Variants in OSBPL8 observed in about 807,000 individuals in gnomAD.
OSBPL8 encodes oxysterol binding protein like 8.
A neutral mutation model predicts 125.5 loss-of-function variants in OSBPL8; 59 were observed. The ratio of observed to expected loss-of-function variants is 0.47; its 90% confidence interval spans 0.38 to 0.58. The LOEUF (loss-of-function observed/expected upper bound fraction) is 0.58, where lower values mean the gene tolerates loss of function less well. Ranked by LOEUF, OSBPL8 falls within the 20% of genes least tolerant of loss-of-function variation. OSBPL8 has a pLI of 0.00. For missense variants in OSBPL8, 758 were observed against 1,047.8 expected, an observed-to-expected ratio of 0.72 and a Z score of 3.82; for synonymous variants, 330 against 338.9, an observed-to-expected ratio of 0.97 and a Z score of 0.29.
At chr12:76,430,074 C>G (rs1169955768) in intron 4 of OSBPL8, among the ~76,000 whole-genome samples, 4 of 152,142 alleles carry the variant, frequency 2.6e-5, no homozygotes, top group African/African-American at 9.7e-5. Flanking sequence ...GCTCCAGCCC[C>G]ACTCTAGACC....
chr12:76,490,878 T>C (rs4347435), intron 1 of OSBPL8, among the ~76,000 whole-genome samples: 150,027 of 152,368 alleles, frequency 0.98, 73,861 homozygotes, highest in East Asian at 1. Context: ...GGCACCCCAC[T>C]TGGATGCTGC....
At chr12:76,529,031 T>G (rs981032934) in intron 1 of OSBPL8, among the ~76,000 whole-genome samples, 1 of 152,120 alleles carries the variant, frequency 6.6e-6, no homozygotes, top group African/African-American at 2.4e-5. Context: ...ATGAAGTTAT[T>G]ATGTCACTAC....
intron 4 of OSBPL8, among the ~76,000 whole-genome samples, chr12:76,413,383 T>C (rs1868312397): frequency 6.6e-6 from 1 of 152,240 alleles, no homozygotes; most frequent in Non-Finnish European, 1.5e-5. Flanking sequence ...TGCATGACTA[T>C]ACCACTATTT....
At chr12:76,406,795 T>C (rs1279561039) in intron 5 of OSBPL8, among the ~76,000 whole-genome samples, 1 of 152,170 alleles carries the variant, frequency 6.6e-6, no homozygotes, top group African/African-American at 2.4e-5. Context: ...TTTTGATTTG[T>C]AGAGTCAAGG....
intron 1 of OSBPL8, among the ~76,000 whole-genome samples, chr12:76,515,702 G>T (rs1307936110): frequency 6.6e-6 from 1 of 151,892 alleles, no homozygotes; most frequent in Non-Finnish European, 1.5e-5. Context: ...AGCAGGGGAG[G>T]TTCCCCTGCC....
chr12:76,532,735 A>AG (rs1399110701), intron 1 of OSBPL8, among the ~76,000 whole-genome samples: 36 of 140,466 alleles, frequency 2.6e-4, no homozygotes, highest in African/African-American at 1.1e-3. Flanking sequence ...AAAGAGCCAG[A>AG]CCAATCAGTC....
chr12:76,537,319 C>T (rs1332805727), intron 1 of OSBPL8, among the ~76,000 whole-genome samples: 2 of 152,096 alleles, frequency 1.3e-5, no homozygotes, highest in Non-Finnish European at 2.9e-5. Context: ...TGACCAAGAT[C>T]AGGATTCCTG....
chr12:76,372,426 C>G (rs1403505324), intron 18 of OSBPL8, among the ~76,000 whole-genome samples: 2 of 152,012 alleles, frequency 1.3e-5, no homozygotes, highest in Admixed American at 1.3e-4. Context: ...CCAGGCTGAT[C>G]TCAAACTCCT....
intron 8 of OSBPL8, among the ~76,000 whole-genome samples, chr12:76,396,814 CTTGT>C (rs754947533): frequency 2.8e-4 from 43 of 152,088 alleles, no homozygotes; most frequent in African/African-American, 9.4e-4. Context: ...TAGTATAATG[CTTGT>C]TTGTTTTTTT....
intron 21 of OSBPL8, among the ~76,000 whole-genome samples, chr12:76,367,268 C>G (rs1480345925): frequency 2.2e-5 from 3 of 137,554 alleles, no homozygotes; most frequent in African/African-American, 7.6e-5. Context: ...ATGAATTGAC[C>G]CTTTTATCAA....
At chr12:76,528,330 C>CAAAA (rs35479771) in intron 1 of OSBPL8, among the ~76,000 whole-genome samples, 1 of 93,670 alleles carries the variant, frequency 1.1e-5, no homozygotes, top group Non-Finnish European at 2.1e-5. Context: ...GACTCCGTCT[C>CAAAA]AAAAAAAAAA....
Position 76,354,050 on chromosome 12 carries a change from TTAAC to T in OSBPL8, c.*1835_*1838del, listed in dbSNP as rs368068282. 2.8e-4 allele frequency: 43 copies of T among 152,500 alleles called. No homozygotes were observed. In the East Asian group the frequency reaches 7.1e-3, roughly 25 times the overall value. The allele number at this position is 152,500 out of a possible 1,614,324, so 9.4% of individuals were successfully genotyped here. A position where few individuals can be genotyped will look rare whatever the true frequency, so the allele number is the denominator to read the frequency against. On this transcript the variant is annotated 3_prime_UTR_variant, in exon 24 of 24. Coordinates refer to ENST00000261183, the MANE Select transcript of OSBPL8 (RefSeq NM_020841.5). ...GATAAGCCAATCAATTTGTATGTAA[TTAAC>T]TAATTTAAACCATAAAAAAGATCAA... is the stretch of plus-strand genomic sequence containing the variant.
intron 5 of OSBPL8, 37 bp downstream of exon 5, chr12:76,410,527 A>G: frequency 1.4e-6 from 2 of 1,441,994 alleles, no homozygotes; most frequent in South Asian, 2.4e-5. Flanking sequence ...AATATTAAGA[A>G]TATGTCATAA....
At chr12:76,500,446 T>TTG (rs201723854) in intron 1 of OSBPL8, among the ~76,000 whole-genome samples, 26,343 of 152,130 alleles carry the variant, frequency 0.17, 2,821 homozygotes, top group Non-Finnish European at 0.26. Context: ...TAACTAGAAG[T>TTG]ATTCTCTTGA....
intron 21 of OSBPL8, among the ~76,000 whole-genome samples, chr12:76,362,877 C>T (rs1952262097): frequency 6.6e-6 from 1 of 152,208 alleles, no homozygotes; most frequent in Non-Finnish European, 1.5e-5. Flanking sequence ...CACAAGCATT[C>T]TTATACACCA....
At chr12:76,519,915 A>G (rs974764592) in intron 1 of OSBPL8, among the ~76,000 whole-genome samples, 2 of 152,222 alleles carry the variant, frequency 1.3e-5, no homozygotes, top group African/African-American at 4.8e-5. Context: ...CACTTCCAAC[A>G]GTGGGAATCA....
At chr12:76,495,473 A>G (rs1879178188) in intron 1 of OSBPL8, among the ~76,000 whole-genome samples, 1 of 152,328 alleles carries the variant, frequency 6.6e-6, no homozygotes, top group Non-Finnish European at 1.5e-5. Context: ...GACTAGTCCA[A>G]AGTGTTTGGG....
chr12:76,424,740 G>A (rs979801551), intron 4 of OSBPL8, among the ~76,000 whole-genome samples: 1 of 152,218 alleles, frequency 6.6e-6, no homozygotes, highest in Admixed American at 6.5e-5. Flanking sequence ...GATACACAAA[G>A]TCTTAAAAGA....
chr12:76,405,999 G>T (rs1374760984), intron 5 of OSBPL8, among the ~76,000 whole-genome samples: 1 of 151,940 alleles, frequency 6.6e-6, no homozygotes, highest in African/African-American at 2.4e-5. Flanking sequence ...AATTTAACCT[G>T]TCAGTCTTAG....
Sources: gnomAD v4.1 joint callset for allele counts (sites outside exome capture counted in the v4.1 genomes callset) on GRCh38, gnomAD v4.1.1 for gene constraint, MANE v1.5 for transcripts, NCBI Gene and HGNC (gene_info 2026-07-23, HGNC 2026-07-21) for gene names.